The following MEAK7 variants were observed in gnomAD, a reference collection of about 807,000 sequenced individuals.
MEAK7 encodes MTOR associated protein MEAK7, also known as MTOR-associated protein MEAK7.
MEAK7 carries 68 observed loss-of-function variants against 40.5 expected under a neutral mutation model. The observed-to-expected ratio is 1.68, with a 90% CI of 1.38 to 2.06. The LOEUF (loss-of-function observed/expected upper bound fraction) is 2.06, where lower values mean the gene tolerates loss of function less well. MEAK7 is among the 30% of genes most tolerant of loss of function. The pLI is 0.00. For missense variants in MEAK7, 918 were observed against 580.5 expected, an observed-to-expected ratio of 1.58 and a Z score of -5.98; for synonymous variants, 338 against 231.9, an observed-to-expected ratio of 1.46 and a Z score of -4.16.
chr16:84,487,140 G>T, intron 4 of MEAK7, 81 bp from the exon 5 acceptor site: 1 of 1,408,118 alleles, frequency 7.1e-7, no homozygotes, highest in South Asian at 1.4e-5. Context: ...TGATCAGTGT[G>T]GGAGCCACGA....
Position 84,480,723 on chromosome 16 carries a change from A to G in MEAK7, c.1078-15T>C. The G allele has an allele frequency of 6.2e-7, 1 of 1,602,306 alleles. No individual in the cohort carries two copies. The highest frequency in any genetic ancestry group is 1.7e-5 in the Admixed American group (1 of 58,318). ...CCCCCCATACCCTGCAAAGGAAGCCAGGACAGAGAATAGCATCAGCAACTC... is the reference window on the plus strand; with the variant it reads ...CCCCCCATACCCTGCAAAGGAAGCCGGGACAGAGAATAGCATCAGCAACTC... On this transcript the variant is annotated splice_polypyrimidine_tract_variant and intron_variant, in intron 6 of 7. Coordinates refer to ENST00000343629, the MANE Select transcript of MEAK7 (RefSeq NM_020947.4).
At position 84,482,703 on chromosome 16, in the gene MEAK7, G is replaced by C. The variant is rs433293; in HGVS notation, c.966C>G (p.Asn322Lys). 2.5e-6 allele frequency: 4 copies of C among 1,613,676 alleles called. No homozygotes were observed. The highest frequency in any genetic ancestry group is 2.2e-5 in the East Asian group (1 of 44,852). ...GGCAGATGGAGAACAGGAAGCATCT[G>C]TTGTCCCCTGAAAGTAGCCAGAGAA... ...WEVKPQFQGD[N>K]RCFLFSICPS... Residue 322 changes from asparagine to lysine, a missense_variant, in exon 6 of 8, where the codon AAC becomes AAG. Coordinates refer to ENST00000343629, the MANE Select transcript of MEAK7 (RefSeq NM_020947.4).
chr16:84,484,083 C>G (rs1371805921), intron 5 of MEAK7, among the ~76,000 whole-genome samples: 1 of 152,234 alleles, frequency 6.6e-6, no homozygotes, highest in Non-Finnish European at 1.5e-5. Context: ...GTAAGCGGCC[C>G]TTTGCTTTGC....
Position 84,498,064 on chromosome 16 carries a change from A to G in MEAK7, c.23T>C (p.Val8Ala), listed in dbSNP as rs960372649. 1 of 1,613,260 alleles carries G rather than the reference A, an allele frequency of 6.2e-7. No individual in the cohort carries two copies. The highest frequency in any genetic ancestry group is 8.5e-7 in the Non-Finnish European group (1 of 1,179,516). MGNSRSRVGRSFCSQFLP... is the reference protein window; with the variant it reads MGNSRSRAGRSFCSQFLP... Reference sequence around the variant, plus strand: ...AAACTGTGAACAAAAGCTCCGCCCCACACGGCTTCTGCTGTTCCCCATCTG... The same window carrying G: ...AAACTGTGAACAAAAGCTCCGCCCCGCACGGCTTCTGCTGTTCCCCATCTG... Residue 8 changes from valine to alanine, a missense_variant, in exon 2 of 8, where the codon GTG becomes GCG. By Grantham distance (64) the Val-to-Ala change is moderately conservative (BLOSUM62 0). Coordinates refer to ENST00000343629, the MANE Select transcript of MEAK7 (RefSeq NM_020947.4).
chr16:84,493,005 T>C (rs1913751720), intron 3 of MEAK7, among the ~76,000 whole-genome samples: 1 of 152,222 alleles, frequency 6.6e-6, no homozygotes. Context: ...GGAGACATAT[T>C]GGGCTTACTT....
At chr16:84,489,491 G>C in intron 3 of MEAK7, 69 bp from the exon 4 acceptor site, 2 of 1,499,240 alleles carry the variant, frequency 1.3e-6, no homozygotes, top group Non-Finnish European at 1.8e-6. Context: ...ATGCCCACAT[G>C]GAGAAGGGCA....
chr16:84,480,709 C>G lies in MEAK7; in HGVS notation c.1078-1G>C, dbSNP rs754594443. On this transcript the variant is annotated splice_acceptor_variant, in intron 6 of 7. Transcript: ENST00000343629. LOFTEE classifies it high-confidence loss of function. The stretch of plus-strand genomic sequence containing the variant: ...AGTAATTGTGCTGCCCCCCCATACC[C>G]TGCAAAGGAAGCCAGGACAGAGAAT... 5.6e-6 allele frequency: 9 copies of G among 1,609,182 alleles called. No individual in the cohort carries two copies. Among genetic ancestry groups the G allele is most frequent in the Non-Finnish European group, 7.6e-6 (9 of 1,177,650 alleles).
At chr16:84,484,397 G>A (rs569107245) in intron 5 of MEAK7, among the ~76,000 whole-genome samples, 2 of 152,208 alleles carry the variant, frequency 1.3e-5, no homozygotes, top group Non-Finnish European at 2.9e-5. Flanking sequence ...GCATGGTTTC[G>A]TGTAATTCTG....
intron 5 of MEAK7, chr16:84,486,418 C>G (rs1451107030): frequency 7.4e-7 from 1 of 1,356,372 alleles, no homozygotes; most frequent in Non-Finnish European, 9.4e-7. Context: ...GTGTCCTCGC[C>G]TGAAAACTGG....
intron 5 of MEAK7, among the ~76,000 whole-genome samples, chr16:84,485,202 A>G (rs1295887764): frequency 6.6e-6 from 1 of 152,192 alleles, no homozygotes; most frequent in Admixed American, 6.5e-5. Flanking sequence ...TGTCTCTAGA[A>G]AGGCCCACCT....
chr16:84,497,084 C>G (rs1192414332), intron 2 of MEAK7: 1 of 162,798 alleles, frequency 6.1e-6, no homozygotes. Flanking sequence ...CAGGGTCTCC[C>G]TCTGTCACCC....
intron 3 of MEAK7, 32 bp downstream of exon 3, chr16:84,495,651 G>T (rs764799514): frequency 6.2e-7 from 1 of 1,605,232 alleles, no homozygotes; most frequent in Non-Finnish European, 8.5e-7. Context: ...AGACTGCTGA[G>T]GAGGCTGCAA....
chr16:84,498,094 G>A lies in MEAK7; in HGVS notation c.-8C>T. ...GCTTCTGCTGTTCCCCATCTGTCCT[G>A]ATATCTGGCAGAATTCTCTGCAGAA... is the stretch of plus-strand genomic sequence containing the variant. On this transcript the variant is annotated 5_prime_UTR_variant, in exon 2 of 8. Transcript: ENST00000343629. 1 of 1,576,222 alleles carries A rather than the reference G, an allele frequency of 6.3e-7. No individual in the cohort carries two copies. Among genetic ancestry groups the A allele is most frequent in the East Asian group, 2.3e-5 (1 of 44,428 alleles).
chr16:84,488,823 C>T (rs540858454), intron 4 of MEAK7, among the ~76,000 whole-genome samples: 5 of 152,214 alleles, frequency 3.3e-5, no homozygotes, highest in South Asian at 2.1e-4. Context: ...AGTGTAAATG[C>T]TTATTTGAAA....
chr16:84,502,805 G>T (rs8055107), intron 1 of MEAK7: 40,909 of 152,074 alleles, frequency 0.27, 6,627 homozygotes, highest in Middle Eastern at 0.4. Flanking sequence ...AGGAGGCAGA[G>T]GTCGCAGTGA....
At chr16:84,487,116 A>G in intron 4 of MEAK7, 57 bp from the exon 5 acceptor site, 1 of 1,531,684 alleles carries the variant, frequency 6.5e-7, no homozygotes, top group Non-Finnish European at 8.8e-7. Context: ...TTTAGCTACT[A>G]TCTAAACCCA....
At chr16:84,500,106 G>A (rs1284751224) in intron 1 of MEAK7, 1 of 152,226 alleles carries the variant, frequency 6.6e-6, no homozygotes, top group African/African-American at 2.4e-5. Flanking sequence ...TTAGCATCGT[G>A]TTTTTGAGGC....
chr16:84,488,534 T>C (rs1290398153), intron 4 of MEAK7: 2 of 152,160 alleles, frequency 1.3e-5, no homozygotes, highest in African/African-American at 4.8e-5. Context: ...GTGACCATAC[T>C]ATAGGCCATA....
chr16:84,486,276 C>T (rs201813194), intron 5 of MEAK7: 103,665 of 250,826 alleles, frequency 0.41, 22,655 homozygotes, highest in South Asian at 0.56. Flanking sequence ...GCGGTGGGGG[C>T]AGGGGCAGGA....
Sources: gnomAD v4.1 joint callset for allele counts (sites outside exome capture counted in the v4.1 genomes callset) on GRCh38, gnomAD v4.1.1 for gene constraint, MANE v1.5 for transcripts, NCBI Gene and HGNC (gene_info 2026-07-23, HGNC 2026-07-21) for gene names.